Variants in KRT78 observed in about 807,000 individuals in gnomAD.
The protein encoded by KRT78 is keratin, type II cytoskeletal 78.
In KRT78, 55 loss-of-function variants were observed where a neutral mutation model predicts 51.4. That is an observed-to-expected ratio of 1.07 (90% CI 0.86 to 1.34). The LOEUF (loss-of-function observed/expected upper bound fraction) is 1.34. KRT78 is among the 40% of genes most tolerant of loss of function. The probability of loss-of-function intolerance (pLI) is 0.00; values close to 1 mark genes in which losing one functional copy is unlikely to be tolerated. For missense variants in KRT78, 652 were observed against 649.4 expected (o/e 1.00, Z -0.04); for synonymous variants, 291 against 264.3 (o/e 1.10, Z -0.98).
At position 52,839,361 on chromosome 12, in the gene KRT78, C is replaced by T. The variant is rs765177637; in HGVS notation, c.1315G>A (p.Gly439Ser). The change falls in exon 9 of 9, where the codon GGC (glycine) becomes AGC (serine). Residue 439 changes from glycine to serine, a missense_variant. Gly to Ser is a moderately conservative substitution (Grantham distance 56). Coordinates refer to ENST00000304620, the MANE Select transcript of KRT78 (RefSeq NM_173352.4). ...TSQVTISSVG[G>S]SAVMSGGVGG... ...ACTCCTCCAGACATGACAGCGCTGC[C>T]TCCCACCGAGGCTGCCAAGAAACGC... The T allele has an allele frequency of 1.9e-6, 3 of 1,613,912 alleles. No homozygotes were observed. The highest frequency in any genetic ancestry group is 3.3e-5 in the Admixed American group (2 of 59,994).
intron 6 of KRT78, among the ~76,000 whole-genome samples, chr12:52,841,904 A>G (rs1940508728): frequency 6.6e-6 from 1 of 152,150 alleles, no homozygotes; most frequent in Non-Finnish European, 1.5e-5. Context: ...CTGCCACTGG[A>G]CTCTCAAGAC....
intron 4 of KRT78, 51 bp downstream of exon 4, chr12:52,846,146 C>G: frequency 7.5e-7 from 1 of 1,327,592 alleles, no homozygotes; most frequent in South Asian, 1.2e-5. Context: ...AGGAAGCCTG[C>G]CCACCCAGTC....
rs774096137 is a variant in KRT78, at chr12:52,847,918, C to T, written c.588G>A (p.Glu196=). ...TTCAGTGTGCCTACTTGGACTTATA[C>T]TCCTCCTCCTGGTCCCGGCAGGCCT... is the stretch of plus-strand genomic sequence containing the variant. The part of the protein sequence containing the change: ...ELKACRDQEE[E]YKSKYEEEAH... The change falls in exon 2 of 9, where the codon GAG becomes GAA. Residue 196 remains glutamate (E), a synonymous_variant. Transcript: ENST00000304620. 1 of 1,613,454 alleles carries T rather than the reference C, an allele frequency of 6.2e-7. No individual in the cohort carries two copies. The highest frequency in any genetic ancestry group is 1.7e-5 in the Admixed American group (1 of 60,026).
intron 4 of KRT78, among the ~76,000 whole-genome samples, chr12:52,845,665 A>G (rs1433081814): frequency 6.6e-6 from 1 of 152,180 alleles, no homozygotes; most frequent in Non-Finnish European, 1.5e-5. Flanking sequence ...CCCAATAGAA[A>G]GCAAACTTAG....
chr12:52,846,229 A>G lies in KRT78; in HGVS notation c.724T>C (p.Tyr242His), dbSNP rs771578628. 8.7e-6 allele frequency: 14 copies of G among 1,613,538 alleles called. No individual in the cohort carries two copies. In the African/African-American group the frequency reaches 1.3e-4, roughly 15 times the overall value. The change falls in exon 4 of 9, where the codon TAC becomes CAC. Residue 242 changes from tyrosine (Y) to histidine (H), a missense_variant. Tyr to His is a moderately conservative substitution (Grantham distance 83). Coordinates refer to ENST00000304620, the MANE Select transcript of KRT78 (RefSeq NM_173352.4). Reference sequence around the variant, plus strand: ...TTCAGATGCTTCAAGAAGTAGAGGTACTCTCTCAGAGCCTCCAGCTTGCCC... The same window carrying G: ...TTCAGATGCTTCAAGAAGTAGAGGTGCTCTCTCAGAGCCTCCAGCTTGCCC... Reference protein sequence around the residue: ...LEGKLEALREYLYFLKHLNEE... With the variant: ...LEGKLEALREHLYFLKHLNEE...
In KRT78 at chr12:52,844,624, G is replaced by A. The variant is rs531069259; in HGVS notation, c.856C>T (p.Arg286Cys). Residue 286 changes from arginine to cysteine, a missense_variant, in exon 5 of 9, where the codon CGC becomes TGC. Arg to Cys is a radical substitution (Grantham distance 180). Transcript: ENST00000304620. ...CGGGCGATCTCCTCGTACCGGGCGC[G>A]GACCTCAGTGATGATGCTGCTGAAG... The part of the protein sequence containing the change: ...LDFSSIITEV[R>C]ARYEEIARSS... The A allele has an allele frequency of 3.3e-5, 54 of 1,614,010 alleles. No homozygotes were observed. Among genetic ancestry groups the A allele is most frequent in the African/African-American group, 1.1e-4 (8 of 74,924 alleles).
intron 3 of KRT78, 30 bp downstream of exon 3, chr12:52,846,734 C>A (rs76736244): frequency 5.6e-6 from 9 of 1,601,766 alleles, no homozygotes; most frequent in Non-Finnish European, 6.8e-6. Flanking sequence ...ATGCTCAGAA[C>A]GTAAGTGGAG....
At chr12:52,844,867 C>G in intron 4 of KRT78, 144 bp from the exon 5 acceptor site, 1 of 645,326 alleles carries the variant, frequency 1.5e-6, no homozygotes, top group Non-Finnish European at 2.6e-6. Flanking sequence ...GCCCTGCTCA[C>G]CATGGGACTC....
chr12:52,848,740 AC>A lies in KRT78; in HGVS notation c.190del (p.Val64CysfsTer23), dbSNP rs766412080. 3.6e-6 allele frequency: 5 copies of A among 1,400,712 alleles called. No homozygotes were observed. The highest frequency in any genetic ancestry group is 1.2e-5 in the South Asian group (1 of 85,782). The allele number at this position is 1,400,712 out of a possible 1,614,324, so 86.8% of individuals were successfully genotyped here. A position where few individuals can be genotyped will look rare whatever the true frequency, so the allele number is the denominator to read the frequency against. On this transcript the variant is annotated frameshift_variant, in exon 1 of 9. Transcript: ENST00000304620. LOFTEE classifies it high-confidence loss of function. ...STWGSGGRLG[V>X]RFGEWSGGPG... is the part of the protein sequence containing the mutation. Reference sequence around the variant, plus strand: ...CCCACCACTCCACTCCCCAAACCGCACCCCCAGCCTACCCCCTGACCCCCAG... The same window carrying A: ...CCCACCACTCCACTCCCCAAACCGCACCCCAGCCTACCCCCTGACCCCCAG...
At chr12:52,844,430 A>T in intron 5 of KRT78, 129 bp downstream of exon 5, 1 of 1,125,074 alleles carries the variant, frequency 8.9e-7, no homozygotes, top group Non-Finnish European at 1.3e-6. Flanking sequence ...GGCCCTGCCC[A>T]CCCAGCCCCA....
At chr12:52,848,334 C>G (rs894318396) in intron 1 of KRT78, 31 of 1,485,542 alleles carry the variant, frequency 2.1e-5, no homozygotes, top group Admixed American at 2.1e-5. Flanking sequence ...CCCCCGCTGG[C>G]TGGCAGTTCT....
intron 6 of KRT78, among the ~76,000 whole-genome samples, chr12:52,843,030 GAGGGAGGGAGGGAGGGA>G (rs1198655531): frequency 0.024 from 2,772 of 116,180 alleles, 170 homozygotes; most frequent in East Asian, 0.19. Flanking sequence ...GGGAGGGAGG[GAGGGAGGGAGGGAGGGA>G]AGGGAGGAAG....
At chr12:52,842,989 G>A (rs1470588815) in intron 6 of KRT78, among the ~76,000 whole-genome samples, 2 of 91,956 alleles carry the variant, frequency 2.2e-5, no homozygotes, top group African/African-American at 9.2e-5. Context: ...AAGGAAGGAA[G>A]GAAGGAAGGA....
At chr12:52,847,490 C>T (rs756650880) in intron 2 of KRT78, among the ~76,000 whole-genome samples, 1 of 152,212 alleles carries the variant, frequency 6.6e-6, no homozygotes, top group Non-Finnish European at 1.5e-5. Context: ...GGGGACAGCC[C>T]CACTAAATTG....
In KRT78 at chr12:52,848,012, C is replaced by A; in HGVS notation, c.494G>T (p.Cys165Phe). ...QQGLEPVFEA[C>F]LDQLRKQLEQ... The stretch of plus-strand genomic sequence containing the variant: ...CAGCTGCTTCCTGAGCTGATCCAGG[C>A]AGGCCTCAAAGACAGGCTCCAGGCC... Residue 165 changes from cysteine (C) to phenylalanine (F), a missense_variant, in exon 2 of 9, where the codon TGC (cysteine) becomes TTC (phenylalanine). Coordinates refer to ENST00000304620, the MANE Select transcript of KRT78 (RefSeq NM_173352.4). 6.2e-7 allele frequency: 1 copy of A among 1,614,176 alleles called. No homozygotes were observed. The highest frequency in any genetic ancestry group is 1.1e-5 in the South Asian group (1 of 91,090).
At chr12:52,847,810 G>T in intron 2 of KRT78, 97 bp downstream of exon 2, 1 of 1,038,130 alleles carries the variant, frequency 9.6e-7, no homozygotes, top group Non-Finnish European at 1.5e-6. Context: ...ATGTGCCTCT[G>T]GGTGCTCAGT....
chr12:52,844,512 G>T, intron 5 of KRT78, 47 bp downstream of exon 5: 1 of 1,581,582 alleles, frequency 6.3e-7, no homozygotes, highest in Non-Finnish European at 8.6e-7. Context: ...TTTGGGCATG[G>T]AGACCTAGCC....
Position 52,839,063 on chromosome 12 carries a change from T to C in KRT78, c.*50A>G, listed in dbSNP as rs202161992. 1.9e-6 allele frequency: 3 copies of C among 1,579,768 alleles called. No homozygotes were observed. Among genetic ancestry groups the C allele is most frequent in the Non-Finnish European group, 2.6e-6 (3 of 1,165,310 alleles). On this transcript the variant is annotated 3_prime_UTR_variant, in exon 9 of 9. Coordinates refer to ENST00000304620, the MANE Select transcript of KRT78 (RefSeq NM_173352.4). The stretch of plus-strand genomic sequence containing the variant: ...GAGTTGGCCTTGCAGAGCCGGCTGA[T>C]GGGGGGAGTGGGCCAAATGTGTTCA...
At position 52,838,996 on chromosome 12, in the gene KRT78, G is replaced by A; in HGVS notation, c.*117C>T. ...AGGGGAGACTTTATTGATTTTTGCA[G>A]CATCCGCTGTGGGCTGGCTTGGGCT... is the stretch of plus-strand genomic sequence containing the variant. On this transcript the variant is annotated 3_prime_UTR_variant, in exon 9 of 9. Transcript: ENST00000304620. The A allele has an allele frequency of 8.2e-7, 1 of 1,219,036 alleles. No individual in the cohort carries two copies. The highest frequency in any genetic ancestry group is 1.1e-6 in the Non-Finnish European group (1 of 882,420). 75.5% of individuals were successfully genotyped at this position (1,219,036 alleles called of 1,614,324 possible). A position where few individuals can be genotyped will look rare whatever the true frequency, so the allele number is the denominator to read the frequency against.
Sources: gnomAD v4.1 joint callset for allele counts (sites outside exome capture counted in the v4.1 genomes callset) on GRCh38, gnomAD v4.1.1 for gene constraint, MANE v1.5 for transcripts, NCBI Gene and HGNC (gene_info 2026-07-23, HGNC 2026-07-21) for gene names.